The following EPHA6 variants were observed in gnomAD, a reference collection of about 807,000 sequenced individuals.
EPHA6 encodes the protein ephrin type-A receptor 6.
In EPHA6, 50 loss-of-function variants were observed where a neutral mutation model predicts 112.0. The observed-to-expected ratio is 0.45, with a 90% confidence interval of 0.36 to 0.56. EPHA6 has a LOEUF of 0.56. Among genes scored for constraint, EPHA6 ranks in the 20% least tolerant of loss-of-function variants. EPHA6 has a pLI of 0.00. For missense variants in EPHA6, 1,280 were observed against 1,417.4 expected (o/e 0.90, Z 1.56); for synonymous variants, 529 against 490.7 (o/e 1.08, Z -1.03).
intron 6 of EPHA6, among the ~76,000 whole-genome samples, chr3:97,406,391 G>A (rs1444817918): frequency 1.3e-5 from 2 of 152,222 alleles, no homozygotes; most frequent in East Asian, 3.9e-4. Flanking sequence ...GGGTGAGAGA[G>A]AAGCAAAAGG....
At chr3:97,702,895 A>AT (rs1204773613) in intron 14 of EPHA6, among the ~76,000 whole-genome samples, 4 of 152,194 alleles carry the variant, frequency 2.6e-5, no homozygotes, top group Non-Finnish European at 2.9e-5. Flanking sequence ...GAGTTAGACT[A>AT]TTGACCCCAT....
intron 3 of EPHA6, among the ~76,000 whole-genome samples, chr3:97,089,044 G>A (rs955426481): frequency 1.8e-4 from 28 of 152,094 alleles, no homozygotes; most frequent in African/African-American, 6.5e-4. Flanking sequence ...CCTATGCCAA[G>A]GTTATTTGCC....
chr3:96,955,059 A>T (rs2041705628), intron 2 of EPHA6, among the ~76,000 whole-genome samples: 1 of 152,120 alleles, frequency 6.6e-6, no homozygotes, highest in Non-Finnish European at 1.5e-5. Flanking sequence ...AGTATAGATA[A>T]AACATAATTT....
intron 11 of EPHA6, among the ~76,000 whole-genome samples, chr3:97,535,548 G>T (rs2092752285): frequency 6.6e-6 from 1 of 152,040 alleles, no homozygotes; most frequent in African/African-American, 2.4e-5. Flanking sequence ...AGTGCTATGG[G>T]ACTGTTAGAA....
At chr3:97,080,192 T>TA (rs1372450388) in intron 3 of EPHA6, among the ~76,000 whole-genome samples, 2 of 152,100 alleles carry the variant, frequency 1.3e-5, no homozygotes, top group East Asian at 3.9e-4. Flanking sequence ...GCACTGCACT[T>TA]ACCGAAATAA....
intron 3 of EPHA6, among the ~76,000 whole-genome samples, chr3:97,006,694 T>C (rs900552881): frequency 1.3e-5 from 2 of 152,168 alleles, no homozygotes; most frequent in South Asian, 4.1e-4. Flanking sequence ...TTAATTTTGA[T>C]TTTAGGGTGT....
intron 4 of EPHA6, among the ~76,000 whole-genome samples, chr3:97,231,821 TGGTG>T (rs1299680008): frequency 6.6e-6 from 1 of 152,208 alleles, no homozygotes; most frequent in Non-Finnish European, 1.5e-5. Context: ...TTTCTGGGCT[TGGTG>T]ATGACTTATA....
chr3:97,725,359 CCAG>C (rs578193312), intron 15 of EPHA6, among the ~76,000 whole-genome samples: 115 of 152,158 alleles, frequency 7.6e-4, no homozygotes, highest in African/African-American at 2.7e-3. Context: ...TATGATTGAC[CCAG>C]CTAGGTTTAT....
rs570372651 is a variant in EPHA6 at position 97,080,856 on chromosome 3, G to C, written c.1114+92863G>C. ...TATTTCAATTTTTTTGGAATATATAGGCTTGATTTGAGCATTTGAGACAAA... is the reference window on the plus strand; with the variant it reads ...TATTTCAATTTTTTTGGAATATATACGCTTGATTTGAGCATTTGAGACAAA... On this transcript the variant is annotated intron_variant, in intron 3 of 17. Coordinates refer to ENST00000389672, the MANE Select transcript of EPHA6 (RefSeq NM_001080448.3). 6.6e-5 allele frequency among the ~76,000 whole-genome samples: 10 copies of C among 151,722 alleles called. No homozygotes were observed. The South Asian group carries it at 1.5e-3, about 22-fold the overall frequency.
intron 3 of EPHA6, among the ~76,000 whole-genome samples, chr3:97,007,077 C>A (rs1228429124): frequency 6.6e-6 from 1 of 152,116 alleles, no homozygotes; most frequent in East Asian, 1.9e-4. Context: ...AATATATATT[C>A]TGTTGTTTTG....
intron 3 of EPHA6, among the ~76,000 whole-genome samples, chr3:97,029,232 TC>T (rs2108009689): frequency 6.6e-6 from 1 of 151,844 alleles, no homozygotes; most frequent in African/African-American, 2.4e-5. Flanking sequence ...AAAATTATTT[TC>T]TAAATTCCAG....
intron 3 of EPHA6, among the ~76,000 whole-genome samples, chr3:97,197,734 C>A (rs180982532): frequency 1.3e-5 from 2 of 151,978 alleles, no homozygotes; most frequent in Non-Finnish European, 1.5e-5. Context: ...CCCAGTACAG[C>A]GCCAAGACTT....
At chr3:97,553,097 A>G (rs1484980482) in intron 11 of EPHA6, among the ~76,000 whole-genome samples, 1 of 152,132 alleles carries the variant, frequency 6.6e-6, no homozygotes, top group African/African-American at 2.4e-5. Flanking sequence ...AGCCGGATTA[A>G]TCTTTATACA....
intron 3 of EPHA6, among the ~76,000 whole-genome samples, chr3:97,128,952 C>T (rs1576538747): frequency 6.7e-6 from 1 of 149,670 alleles, no homozygotes; most frequent in East Asian, 2.0e-4. Context: ...CAGCTCTCTG[C>T]ATCCCCTGCC....
chr3:97,563,839 A>T (rs1352421488), intron 11 of EPHA6, among the ~76,000 whole-genome samples: 1 of 152,182 alleles, frequency 6.6e-6, no homozygotes, highest in African/African-American at 2.4e-5. Flanking sequence ...TTTTTCAACA[A>T]ATAATGTTTA....
chr3:97,260,261 C>A (rs141223696), intron 5 of EPHA6, among the ~76,000 whole-genome samples: 47 of 152,094 alleles, frequency 3.1e-4, no homozygotes, highest in East Asian at 7.7e-4. Context: ...GAGTGTGGAG[C>A]CTTGGGATCA....
At chr3:97,143,578 G>T (rs908575993) in intron 3 of EPHA6, among the ~76,000 whole-genome samples, 4 of 151,702 alleles carry the variant, frequency 2.6e-5, no homozygotes, top group African/African-American at 7.2e-5. Flanking sequence ...TGTTATGAAT[G>T]CTTATACAAC....
chr3:97,025,402 T>C (rs1308387135), intron 3 of EPHA6, among the ~76,000 whole-genome samples: 1 of 152,148 alleles, frequency 6.6e-6, no homozygotes, highest in African/African-American at 2.4e-5. Flanking sequence ...TACTAGTCTT[T>C]TGCCAGATGC....
At chr3:97,427,307 TAG>T (rs199992103) in intron 6 of EPHA6, among the ~76,000 whole-genome samples, 1,710 of 152,200 alleles carry the variant, frequency 0.011, 18 homozygotes, top group South Asian at 0.023. Flanking sequence ...CCATTAATGG[TAG>T]AGTCAGTAAA....
Sources: gnomAD v4.1 joint callset for allele counts (sites outside exome capture counted in the v4.1 genomes callset) on GRCh38, gnomAD v4.1.1 for gene constraint, MANE v1.5 for transcripts, NCBI Gene and HGNC (gene_info 2026-07-23, HGNC 2026-07-21) for gene names.